Variants in MYH9 observed in about 807,000 individuals in gnomAD.
The protein encoded by MYH9 is myosin heavy chain 9, also known as myosin-9.
In MYH9, 29 loss-of-function variants were observed where a neutral mutation model predicts 241.9. The observed-to-expected ratio is 0.12, with a 90% confidence interval of 0.09 to 0.16. The LOEUF is 0.16. MYH9 is among the 10% of genes least tolerant of loss of function. MYH9 has a pLI of 1.00. For missense variants in MYH9, 1,803 were observed against 2,595.5 expected, an observed-to-expected ratio of 0.69 and a Z score of 6.63; for synonymous variants, 1,047 against 1,062.6, an observed-to-expected ratio of 0.99 and a Z score of 0.29.
Position 36,294,315 on chromosome 22 carries a change from C to T in MYH9, c.3631-17G>A. 6.2e-7 allele frequency: 1 copy of T among 1,612,462 alleles called. No homozygotes were observed. ...TGCTTTCACCTAGCAGGGAAGAAAG[C>T]AAAGACGTGAGTGGGGGCCTCCTGA... On this transcript the variant is annotated splice_polypyrimidine_tract_variant and intron_variant, in intron 27 of 40. Coordinates refer to ENST00000216181, the MANE Select transcript of MYH9 (RefSeq NM_002473.6).
At chr22:36,348,753 G>T in intron 2 of MYH9, 151 bp downstream of exon 2, 1 of 762,598 alleles carries the variant, frequency 1.3e-6, no homozygotes, top group South Asian at 1.5e-5. Flanking sequence ...AGATGTCAAA[G>T]TTCAAGGATG....
Position 36,320,131 on chromosome 22 carries a change from C to G in MYH9, c.1012+89G>C, listed in dbSNP as rs1399458957. On this transcript the variant is annotated intron_variant, in intron 9 of 40. Coordinates refer to ENST00000216181, the MANE Select transcript of MYH9 (RefSeq NM_002473.6). This position sits in a 1 kb window ranked among gnomAD's most constrained non-coding sequence, Gnocchi z 4.8. ...TTCCCCTGGCCTCTAGCAGGCTCCCCAGGCCCATCGGCTACCCTGATGCCC... is the reference window on the plus strand; with the variant it reads ...TTCCCCTGGCCTCTAGCAGGCTCCCGAGGCCCATCGGCTACCCTGATGCCC... 2.5e-6 allele frequency: 4 copies of G among 1,578,496 alleles called. No individual in the cohort carries two copies. Among genetic ancestry groups the G allele is most frequent in the Non-Finnish European group, 3.5e-6 (4 of 1,158,130 alleles).
At chr22:36,355,977 T>A (rs151114342) in intron 1 of MYH9, among the ~76,000 whole-genome samples, 1 of 152,282 alleles carries the variant, frequency 6.6e-6, no homozygotes, top group Non-Finnish European at 1.5e-5. Flanking sequence ...AGAAAGAAGG[T>A]GGGAGTGTGA....
chr22:36,371,919 G>A (rs1457960597), intron 1 of MYH9, among the ~76,000 whole-genome samples: 1 of 151,954 alleles, frequency 6.6e-6, no homozygotes, highest in Non-Finnish European at 1.5e-5. Flanking sequence ...TTCCTAGTAA[G>A]TATGTTTGAT....
chr22:36,322,580 C>T lies in MYH9; in HGVS notation c.613-59G>A, dbSNP rs2017272263. 8 of 1,546,182 alleles carry T rather than the reference C, an allele frequency of 5.2e-6. No individual in the cohort carries two copies. In the Admixed American group the frequency reaches 1.0e-4, roughly 19 times the overall value. On this transcript the variant is annotated intron_variant, in intron 5 of 40. Coordinates refer to ENST00000216181, the MANE Select transcript of MYH9 (RefSeq NM_002473.6). ...GCAGCGACCTGGGCTGCCGAGCCTG[C>T]CCTGCCTGGAAGGGGGACGATGGCA...
chr22:36,324,095 G>A (rs1017406342), intron 5 of MYH9, among the ~76,000 whole-genome samples: 2 of 152,242 alleles, frequency 1.3e-5, no homozygotes, highest in Admixed American at 6.5e-5. Flanking sequence ...AGAAGGGAGC[G>A]CGGCCCCTCC....
chr22:36,301,384 G>C, intron 21 of MYH9, 150 bp downstream of exon 21: 1 of 1,049,660 alleles, frequency 9.5e-7, no homozygotes. Flanking sequence ...TCTGCAGAGA[G>C]ACTGGTCACT....
rs2016865673 is a variant in MYH9 at position 36,300,860 on chromosome 22, C to T, written c.2829G>A (p.Gln943=). 7 of 1,601,316 alleles carry T rather than the reference C, an allele frequency of 4.4e-6. No individual in the cohort carries two copies. Among genetic ancestry groups the T allele is most frequent in the Non-Finnish European group, 5.9e-6 (7 of 1,179,980 alleles). ...HLQAEKKKMQ[Q]NIQELEEQLE... ...TGCAGCGGGCAGGAACCTGGATGTT[C>T]TGCTGCATCTTCTTCTTCTCCGCCT... is the stretch of plus-strand genomic sequence containing the variant. The change falls in exon 22 of 41, where the codon CAG becomes CAA. Residue 943 remains glutamine, a synonymous_variant. Transcript: ENST00000216181. The surrounding 1 kb of genome is among the most constrained non-coding windows in gnomAD (Gnocchi z 5.0).
chr22:36,340,503 A>G (rs2017568374), intron 3 of MYH9, among the ~76,000 whole-genome samples: 5 of 151,976 alleles, frequency 3.3e-5, no homozygotes, highest in Admixed American at 3.3e-4. Flanking sequence ...TCTACTAAAA[A>G]TACAAAAATT....
At chr22:36,347,936 T>C (rs2074302679) in intron 2 of MYH9, among the ~76,000 whole-genome samples, 1 of 151,642 alleles carries the variant, frequency 6.6e-6, no homozygotes, top group African/African-American at 2.4e-5. Flanking sequence ...CTCCCTACTT[T>C]AGAAGGAATC....
At chr22:36,347,870 A>C (rs914773671) in intron 2 of MYH9, among the ~76,000 whole-genome samples, 5 of 151,378 alleles carry the variant, frequency 3.3e-5, no homozygotes, top group Non-Finnish European at 7.4e-5. Flanking sequence ...CAAATGGTGA[A>C]GGGAGAGGAG....
chr22:36,297,104 T>C (rs1203149987), intron 24 of MYH9, 90 bp from the exon 25 acceptor site: 8 of 1,422,306 alleles, frequency 5.6e-6, no homozygotes, highest in South Asian at 3.6e-5. Context: ...GCACTCGTTA[T>C]GAAACGTGTG....
chr22:36,341,297 A>C (rs1273859747), intron 3 of MYH9, 73 bp downstream of exon 3: 1 of 1,581,008 alleles, frequency 6.3e-7, no homozygotes, highest in Non-Finnish European at 8.7e-7. Flanking sequence ...AATGTGACTT[A>C]GCACCTGCAA....
intron 1 of MYH9, among the ~76,000 whole-genome samples, chr22:36,380,085 C>A (rs915102309): frequency 6.6e-6 from 1 of 152,222 alleles, no homozygotes; most frequent in African/African-American, 2.4e-5. Context: ...TAGAGCCAGT[C>A]TCATAGTGTG....
rs2016645859 is a variant in MYH9 at position 36,289,284 on chromosome 22, T to C, written c.4358A>G (p.Glu1453Gly). Residue 1453 changes from glutamate (E) to glycine (G), a missense_variant, in exon 32 of 41, where the codon GAG becomes GGG. Coordinates refer to ENST00000216181, the MANE Select transcript of MYH9 (RefSeq NM_002473.6). ...QKKFDQLLAE[E>G]KTISAKYAEE... ...TGCATACTTGGCAGAGATGGTCTTC[T>C]CCTCCGCCAGGAGCTGGGAAAGAGG... 1 of 1,610,772 alleles carries C rather than the reference T, an allele frequency of 6.2e-7. No homozygotes were observed.
Position 36,282,534 on chromosome 22 carries a change from G to T in MYH9, c.*134C>A. The T allele has an allele frequency of 1.2e-6, 1 of 867,576 alleles. No homozygotes were observed. Among genetic ancestry groups the T allele is most frequent in the East Asian group, 2.4e-5 (1 of 41,584 alleles). The allele number at this position is 867,576 out of a possible 1,614,324, so 53.7% of individuals were successfully genotyped here. On this transcript the variant is annotated 3_prime_UTR_variant, in exon 41 of 41. Coordinates refer to ENST00000216181, the MANE Select transcript of MYH9 (RefSeq NM_002473.6). ...ACACCTGGAGGGAAACGGGATGGGG[G>T]GACGGGGCGGAGGGCAGGAGGAGGC...
intron 12 of MYH9, 110 bp downstream of exon 12, chr22:36,316,407 T>C (rs2017153222): frequency 6.6e-7 from 1 of 1,520,170 alleles, no homozygotes; most frequent in Non-Finnish European, 9.1e-7. Flanking sequence ...GCAAAGGAGA[T>C]GGCCAACTCA....
intron 1 of MYH9, among the ~76,000 whole-genome samples, chr22:36,358,576 C>T (rs1293721540): frequency 6.6e-6 from 1 of 152,148 alleles, no homozygotes; most frequent in Non-Finnish European, 1.5e-5. Context: ...ACCATCTCTC[C>T]CCAGACCCAT....
chr22:36,328,580 A>AG (rs2017371388), intron 3 of MYH9, among the ~76,000 whole-genome samples: 1 of 152,228 alleles, frequency 6.6e-6, no homozygotes, highest in African/African-American at 2.4e-5. Context: ...TTGCAGGATT[A>AG]GTTTGAAAAA....
Sources: allele counts gnomAD v4.1 joint callset (sites outside exome capture counted in the v4.1 genomes callset), GRCh38; gene constraint gnomAD v4.1.1; non-coding constraint Gnocchi (gnomAD v3.1); transcripts MANE v1.5; gene names NCBI Gene and HGNC (gene_info 2026-07-23, HGNC 2026-07-21).